The following ZDHHC11B variants were observed in gnomAD, a reference collection of about 807,000 sequenced individuals.
The protein encoded by ZDHHC11B is probable palmitoyltransferase ZDHHC11B.
ZDHHC11B carries 17 observed loss-of-function variants against 42.3 expected under a neutral mutation model. The observed-to-expected ratio is 0.40, with a 90% CI of 0.27 to 0.60. The LOEUF (loss-of-function observed/expected upper bound fraction) is 0.60. ZDHHC11B is among the 20% of genes least tolerant of loss of function. The pLI, the probability that ZDHHC11B is intolerant of heterozygous loss-of-function variation, is 0.41. For missense variants in ZDHHC11B, 262 were observed against 463.2 expected (o/e 0.57, Z 3.99); for synonymous variants, 123 against 193.5 (o/e 0.64, Z 3.02).
chr5:776,038 G>C (rs573860260), intron 1 of ZDHHC11B, among the ~76,000 whole-genome samples: 2 of 149,594 alleles, frequency 1.3e-5, no homozygotes, highest in African/African-American at 5.0e-5. Flanking sequence ...GGCTCAGCTG[G>C]GTGTACTGCC....
chr5:756,411 C>T (rs1168952767), intron 4 of ZDHHC11B, among the ~76,000 whole-genome samples: 6 of 151,742 alleles, frequency 4.0e-5, no homozygotes, highest in Non-Finnish European at 8.8e-5. Context: ...CACAGCCCTG[C>T]TCACCCAGGC....
At position 759,484 on chromosome 5, in the gene ZDHHC11B, C is replaced by A. The variant is rs143192216; in HGVS notation, c.223-3340G>T. ...CACTGCAGCTACCGAGCTCGTGCTG[C>A]CCTGGGCCACAGCAAGGAGCTTTGC... On this transcript the variant is annotated intron_variant, in intron 4 of 13. Coordinates refer to ENST00000508859, the MANE Select transcript of ZDHHC11B (RefSeq NM_001351303.2). Among the ~76,000 whole-genome samples the A allele has an allele frequency of 3.4e-4, 52 of 152,060 alleles. No homozygotes were observed. In the East Asian group the frequency reaches 9.5e-3, roughly 28 times the overall value.
At chr5:776,704 C>G (rs1368144792) in intron 1 of ZDHHC11B, among the ~76,000 whole-genome samples, 1 of 151,970 alleles carries the variant, frequency 6.6e-6, no homozygotes, top group Non-Finnish European at 1.5e-5. Context: ...CTCACCCAGC[C>G]CTCCTGTCCC....
chr5:779,246 C>G (rs1325360919), intron 1 of ZDHHC11B, among the ~76,000 whole-genome samples: 2 of 150,992 alleles, frequency 1.3e-5, no homozygotes, highest in Non-Finnish European at 2.9e-5. Context: ...AGGAAGCTGA[C>G]TCATGAGATG....
At chr5:756,861 C>G (rs1733927303) in intron 4 of ZDHHC11B, among the ~76,000 whole-genome samples, 1 of 151,610 alleles carries the variant, frequency 6.6e-6, no homozygotes, top group African/African-American at 2.4e-5. Flanking sequence ...GAAACACCCC[C>G]TAGACTCATT....
rs1316777533 is a variant in ZDHHC11B at position 778,919 on chromosome 5, T to C, written c.-230+5749A>G. Among the ~76,000 whole-genome samples, 4 of 151,786 alleles carry C rather than the reference T, an allele frequency of 2.6e-5. No homozygotes were observed. The East Asian group carries it at 7.7e-4, about 29-fold the overall frequency. On this transcript the variant is annotated intron_variant, in intron 1 of 13. Transcript: ENST00000508859. ...TGAGATTCAGCTATGGGGGCCAGGC[T>C]CCTGGGAATGACCGAGTGCCTTATC...
intron 7 of ZDHHC11B, among the ~76,000 whole-genome samples, chr5:749,146 C>T (rs1412009993): frequency 8.1e-6 from 1 of 123,980 alleles, no homozygotes; most frequent in Non-Finnish European, 1.7e-5. Context: ...CTGGCTCTGC[C>T]GAGTCCCAGC....
At chr5:774,802 AACTAGGGCCTGGGGTCTCTCTC>A (rs1736338474) in intron 1 of ZDHHC11B, among the ~76,000 whole-genome samples, 1 of 151,256 alleles carries the variant, frequency 6.6e-6, no homozygotes, top group Non-Finnish European at 1.5e-5. Context: ...TGGAGCCTGT[AACTAGGGCCTGGGGTCTCTCTC>A]ACTAGGGCCA....
chr5:763,308 G>A (rs1459212565), intron 4 of ZDHHC11B, among the ~76,000 whole-genome samples: 1 of 150,952 alleles, frequency 6.6e-6, no homozygotes, highest in Non-Finnish European at 1.5e-5. Flanking sequence ...GGCAGAGGTT[G>A]CAGTGAGTCG....
intron 12 of ZDHHC11B, among the ~76,000 whole-genome samples, chr5:728,332 G>A (rs1289460421): frequency 3.3e-5 from 5 of 152,070 alleles, no homozygotes; most frequent in Admixed American, 6.5e-5. Context: ...GAAACTATGA[G>A]GATTTAAAAT....
At chr5:774,433 G>A (rs2068101103) in intron 1 of ZDHHC11B, among the ~76,000 whole-genome samples, 1 of 152,206 alleles carries the variant, frequency 6.6e-6, no homozygotes, top group South Asian at 2.1e-4. Context: ...TGGGCCAGGG[G>A]GTTCTCACTA....
In ZDHHC11B at chr5:777,129, G is replaced by A. The variant is rs1352786506; in HGVS notation, c.-230+7539C>T. 2.6e-5 allele frequency among the ~76,000 whole-genome samples: 4 copies of A among 151,944 alleles called. 1 individual carries two copies. The highest frequency in any genetic ancestry group is 5.9e-5 in the Non-Finnish European group (4 of 67,948). The stretch of plus-strand genomic sequence containing the variant: ...AGTTCTTAAAGATGGCGACCCTGGA[G>A]TTTCTTCCTTCAGATGTTCAGATGC... On this transcript the variant is annotated intron_variant, in intron 1 of 13. Coordinates refer to ENST00000508859, the MANE Select transcript of ZDHHC11B (RefSeq NM_001351303.2).
At position 773,282 on chromosome 5, in the gene ZDHHC11B, T is replaced by C. The variant is rs1377707356; in HGVS notation, c.-229-4352A>G. On this transcript the variant is annotated intron_variant, in intron 1 of 13. Transcript: ENST00000508859. The stretch of plus-strand genomic sequence containing the variant: ...GGCCAGGTGTCCTCCACTTTCCCAG[T>C]TTCTGGGTGCAGTGCACCTGAGCCC... Among the ~76,000 whole-genome samples the C allele has an allele frequency of 1.3e-4, 20 of 151,858 alleles. 1 individual carries two copies. Among genetic ancestry groups the C allele is most frequent in the African/African-American group, 4.6e-4 (19 of 41,292 alleles).
At chr5:716,657 G>C (rs1450814925) in intron 13 of ZDHHC11B, 144 bp downstream of exon 13, 1 of 980,902 alleles carries the variant, frequency 1.0e-6, no homozygotes, top group African/African-American at 1.6e-5. Flanking sequence ...TCCTGTTCTG[G>C]GGTTACTGTT....
intron 12 of ZDHHC11B, among the ~76,000 whole-genome samples, chr5:728,985 C>T (rs1742799287): frequency 1.3e-5 from 2 of 148,644 alleles, no homozygotes; most frequent in African/African-American, 2.5e-5. Context: ...TGCACTGCAG[C>T]CTGGGTGACA....
intron 1 of ZDHHC11B, among the ~76,000 whole-genome samples, chr5:773,788 G>A (rs570653280): frequency 6.6e-6 from 1 of 151,478 alleles, no homozygotes; most frequent in South Asian, 2.1e-4. Context: ...CCAACCCCCA[G>A]GGCCAGGACC....
rs1223665337 is a variant in ZDHHC11B, at chr5:759,239, G to A, written c.223-3095C>T. 7.2e-4 allele frequency among the ~76,000 whole-genome samples: 110 copies of A among 151,876 alleles called. 1 individual carries two copies. The highest frequency in any genetic ancestry group is 2.0e-3 in the African/African-American group (84 of 41,384). On this transcript the variant is annotated intron_variant, in intron 4 of 13. Transcript: ENST00000508859. The stretch of plus-strand genomic sequence containing the variant: ...TTTTGTAAATAAACGGCGCCGCAGC[G>A]CCAGCCCAGAACACACACCCTGCGC...
intron 1 of ZDHHC11B, among the ~76,000 whole-genome samples, chr5:777,804 G>C (rs573671329): frequency 2.0e-5 from 3 of 151,982 alleles, no homozygotes; most frequent in African/African-American, 7.3e-5. Context: ...GGAGCTGCCC[G>C]CCAGTACTGC....
In ZDHHC11B at chr5:766,924, A is replaced by G. The variant is rs1232900556; in HGVS notation, c.1-5T>C. 3 of 1,610,740 alleles carry G rather than the reference A, an allele frequency of 1.9e-6. No homozygotes were observed. The highest frequency in any genetic ancestry group is 1.7e-5 in the Admixed American group (1 of 59,906). On this transcript the variant is annotated splice_polypyrimidine_tract_variant and splice_region_variant and intron_variant, in intron 3 of 13. Coordinates refer to ENST00000508859, the MANE Select transcript of ZDHHC11B (RefSeq NM_001351303.2). ...GCTCCCGGAGCGGGTGTCCATCTGC[A>G]GGACACAGAAGGGGAGGACCTGCGC... is the stretch of plus-strand genomic sequence containing the variant.
Sources: gnomAD v4.1 joint callset for allele counts (sites outside exome capture counted in the v4.1 genomes callset) on GRCh38, gnomAD v4.1.1 for gene constraint, MANE v1.5 for transcripts, NCBI Gene and HGNC (gene_info 2026-07-23, HGNC 2026-07-21) for gene names.